Variants in IPO11 observed in about 807,000 individuals in gnomAD.
The protein encoded by IPO11 is importin 11, also known as importin-11.
In IPO11, 66 loss-of-function variants were observed where a neutral mutation model predicts 143.2. That is an observed-to-expected ratio of 0.46 (90% CI 0.38 to 0.57). The LOEUF is 0.57. Ranked by LOEUF, IPO11 falls within the 20% of genes least tolerant of loss-of-function variation. IPO11 has a pLI of 0.00. For missense variants in IPO11, 1,026 were observed against 1,141.0 expected (o/e 0.90, Z 1.45); for synonymous variants, 385 against 377.8 (o/e 1.02, Z -0.22).
At chr5:62,519,054 A>G (rs1742122673) in intron 20 of IPO11, among the ~76,000 whole-genome samples, 1 of 152,164 alleles carries the variant, frequency 6.6e-6, no homozygotes, top group Non-Finnish European at 1.5e-5. Flanking sequence ...GAGGCGGGGC[A>G]CATTAGGGAA....
At chr5:62,598,435 TCTCTCTCTCTCTCTCTCTCTCTC>T in intron 28 of IPO11, among the ~76,000 whole-genome samples, 1 of 3,044 alleles carries the variant, frequency 3.3e-4, no homozygotes, top group Non-Finnish European at 5.3e-4. Context: ...TTTCTTTCTC[TCTCTCTCTCTCTCTCTCTCTCTC>T]TCTCTCTCTC....
intron 1 of IPO11, among the ~76,000 whole-genome samples, chr5:62,435,082 G>GTATATATA (rs1561308691): frequency 1.1e-4 from 10 of 94,502 alleles, no homozygotes; most frequent in South Asian, 9.2e-4. Flanking sequence ...GTATATATAT[G>GTATATATA]TGTATATATG....
intron 24 of IPO11, among the ~76,000 whole-genome samples, chr5:62,548,288 T>A (rs1249143613): frequency 6.6e-6 from 1 of 152,180 alleles, no homozygotes; most frequent in Non-Finnish European, 1.5e-5. Flanking sequence ...CTGACAGATG[T>A]CCAATATGTT....
intron 3 of IPO11, among the ~76,000 whole-genome samples, chr5:62,447,069 C>T (rs1328009924): frequency 1.3e-5 from 2 of 151,236 alleles, no homozygotes; most frequent in Admixed American, 6.6e-5. Flanking sequence ...ATTTAATTAC[C>T]TTTCTATGAT....
intron 6 of IPO11, 148 bp from the exon 7 acceptor site, chr5:62,470,102 A>G (rs1745714835): frequency 1.4e-6 from 1 of 691,752 alleles, no homozygotes. Context: ...TTTTCCCACT[A>G]ATTTCCCAGC....
intron 2 of IPO11, among the ~76,000 whole-genome samples, chr5:62,439,361 A>G (rs1744371901): frequency 1.5e-5 from 2 of 130,934 alleles, no homozygotes; most frequent in South Asian, 4.6e-4. Context: ...ATCTAGGCTC[A>G]CTGCAAGCTC....
At chr5:62,588,981 T>C (rs1744911690) in intron 27 of IPO11, among the ~76,000 whole-genome samples, 1 of 135,232 alleles carries the variant, frequency 7.4e-6, no homozygotes, top group Non-Finnish European at 1.7e-5. Flanking sequence ...AAATTCAAAA[T>C]GCAGGAACTT....
chr5:62,619,827 C>T (rs571073631), intron 29 of IPO11, among the ~76,000 whole-genome samples: 14 of 151,566 alleles, frequency 9.2e-5, no homozygotes, highest in Non-Finnish European at 2.1e-4. Flanking sequence ...CCACTGCACT[C>T]CAGCCTGGGT....
intron 4 of IPO11, among the ~76,000 whole-genome samples, chr5:62,450,710 G>C (rs1315099269): frequency 6.9e-6 from 1 of 144,142 alleles, no homozygotes; most frequent in African/African-American, 2.6e-5. Context: ...TTTTTCTATT[G>C]GTTGCATCCA....
chr5:62,435,071 T>G (rs866110130), intron 1 of IPO11, among the ~76,000 whole-genome samples: 1 of 113,792 alleles, frequency 8.8e-6, no homozygotes, highest in Non-Finnish European at 1.8e-5. Flanking sequence ...TGTATATATA[T>G]GTATATATAT....
At chr5:62,449,047 T>C (rs1318359454) in intron 3 of IPO11, among the ~76,000 whole-genome samples, 1 of 152,162 alleles carries the variant, frequency 6.6e-6, no homozygotes, top group Non-Finnish European at 1.5e-5. Flanking sequence ...TAAAAAAATA[T>C]TTAAGAGACA....
chr5:62,471,012 GA>G (rs2112200137), intron 7 of IPO11, among the ~76,000 whole-genome samples: 1 of 151,574 alleles, frequency 6.6e-6, no homozygotes, highest in East Asian at 1.9e-4. Flanking sequence ...ATTTTTAGTA[GA>G]GACGAAGTTT....
At chr5:62,504,809 T>G in intron 17 of IPO11, 49 bp from the exon 18 acceptor site, 3 of 1,387,826 alleles carry the variant, frequency 2.2e-6, no homozygotes, top group Non-Finnish European at 3.0e-6. Context: ...GATACAGATT[T>G]ATTTTGATAA....
At chr5:62,598,530 T>C (rs1327903040) in intron 28 of IPO11, among the ~76,000 whole-genome samples, 3 of 16,688 alleles carry the variant, frequency 1.8e-4, no homozygotes, top group South Asian at 2.5e-3. Context: ...TTCTTTCTTT[T>C]CTTTCTTTTC....
chr5:62,447,621 T>C (rs1744764696), intron 3 of IPO11, among the ~76,000 whole-genome samples: 1 of 151,956 alleles, frequency 6.6e-6, no homozygotes, highest in Admixed American at 6.6e-5. Context: ...GGTCTTGCTC[T>C]GTCACCCAGG....
intron 11 of IPO11, among the ~76,000 whole-genome samples, chr5:62,484,612 TA>T (rs1282823277): frequency 6.6e-6 from 1 of 151,146 alleles, no homozygotes; most frequent in Non-Finnish European, 1.5e-5. Context: ...ACTAGATAGA[TA>T]AGTAGAATAA....
intron 24 of IPO11, among the ~76,000 whole-genome samples, chr5:62,541,481 A>G (rs1301606045): frequency 6.6e-6 from 1 of 151,672 alleles, no homozygotes; most frequent in East Asian, 1.9e-4. Flanking sequence ...GGAGTTTGAG[A>G]CTAGCCTGAG....
intron 29 of IPO11, among the ~76,000 whole-genome samples, chr5:62,607,238 C>T: frequency 6.6e-6 from 1 of 152,138 alleles, no homozygotes; most frequent in Non-Finnish European, 1.5e-5. Flanking sequence ...TAGACTTGTA[C>T]TTGTTAGAAT....
chr5:62,575,995 C>A (rs113852912), intron 27 of IPO11: 9 of 152,228 alleles, frequency 5.9e-5, no homozygotes, highest in African/African-American at 2.2e-4. Context: ...ATGGCCTTAG[C>A]AGAAGGATCG....
Sources: allele counts gnomAD v4.1 joint callset (sites outside exome capture counted in the v4.1 genomes callset), GRCh38; gene constraint gnomAD v4.1.1; transcripts MANE v1.5; gene names NCBI Gene and HGNC (gene_info 2026-07-23, HGNC 2026-07-21).